The following NFIA variants were observed in gnomAD, a reference collection of about 807,000 sequenced individuals.
NFIA encodes nuclear factor I A, also known as nuclear factor 1 A-type.
In NFIA, 8 loss-of-function variants were observed where a neutral mutation model predicts 62.8. The ratio of observed to expected loss-of-function variants is 0.13; its 90% CI spans 0.07 to 0.23. NFIA has a LOEUF of 0.23. Ranked by LOEUF, NFIA falls within the 10% of genes least tolerant of loss-of-function variation. NFIA has a pLI of 1.00. For synonymous variants in NFIA, 235 were observed against 238.1 expected (o/e 0.99, Z 0.12); for missense variants, 410 against 642.1 (o/e 0.64, Z 3.91).
intron 6 of NFIA, among the ~76,000 whole-genome samples, chr1:61,362,803 T>C (rs138149192): frequency 2.0e-5 from 3 of 152,312 alleles, no homozygotes; most frequent in East Asian, 3.9e-4. Context: ...ATCTCAAAAC[T>C]GGGTTAGATA....
At chr1:61,260,373 T>G (rs566488427) in intron 2 of NFIA, among the ~76,000 whole-genome samples, 2 of 152,320 alleles carry the variant, frequency 1.3e-5, no homozygotes, top group South Asian at 4.1e-4. Flanking sequence ...GGCGAATGAA[T>G]TCATCAGCGG....
At chr1:61,250,714 A>T (rs1480456228) in intron 2 of NFIA, among the ~76,000 whole-genome samples, 1 of 152,226 alleles carries the variant, frequency 6.6e-6, no homozygotes, top group East Asian at 1.9e-4. Context: ...TGCTTTCATA[A>T]CATGACATTG....
At chr1:61,417,378 A>G (rs1666400356) in intron 9 of NFIA, among the ~76,000 whole-genome samples, 1 of 149,348 alleles carries the variant, frequency 6.7e-6, no homozygotes, top group Admixed American at 6.8e-5. Context: ...TACTCAAAAA[A>G]AAGTTAAGAA....
chr1:61,114,291 G>T (rs1210464765), intron 2 of NFIA, among the ~76,000 whole-genome samples: 1 of 152,016 alleles, frequency 6.6e-6, no homozygotes, highest in East Asian at 1.9e-4. Context: ...GAACATTCTA[G>T]CCTGGACAAC....
At chr1:61,285,682 G>A (rs1011210635) in intron 3 of NFIA, among the ~76,000 whole-genome samples, 19 of 152,268 alleles carry the variant, frequency 1.2e-4, no homozygotes, top group Middle Eastern at 6.8e-3. Context: ...AGGGTAGGGG[G>A]CACTATTTGC....
At chr1:61,108,241 T>G (rs555770721) in intron 2 of NFIA, among the ~76,000 whole-genome samples, 1 of 151,846 alleles carries the variant, frequency 6.6e-6, no homozygotes, top group African/African-American at 2.4e-5. Flanking sequence ...CATCTTTTTT[T>G]AACTATCAAA....
rs185965712 is a variant in NFIA at position 61,294,393 on chromosome 1, C to T, written c.625+16808C>T. ...AACTGAGAGCCTTGATGTTCGGTTC[C>T]TTGTCCAGCTTTCTTTCTCCTACAT... On this transcript the variant is annotated intron_variant, in intron 3 of 10. Transcript: ENST00000403491. Among the ~76,000 whole-genome samples the T allele has an allele frequency of 2.0e-4, 30 of 152,280 alleles. No individual in the cohort carries two copies. In the East Asian group the frequency reaches 4.3e-3, roughly 22 times the overall value.
In NFIA at chr1:61,226,411, CTACT is replaced by C. The variant is rs1278141950; in HGVS notation, c.560-51103_560-51100del. Among the ~76,000 whole-genome samples, 8 of 152,328 alleles carry C rather than the reference CTACT, an allele frequency of 5.3e-5. No homozygotes were observed. The East Asian group carries it at 1.5e-3, about 29-fold the overall frequency. On this transcript the variant is annotated intron_variant, in intron 2 of 10. Coordinates refer to ENST00000403491, the MANE Select transcript of NFIA (RefSeq NM_001134673.4). ...TGCTGTCCACATCCATTATCCTACT[CTACT>C]TACTTTGTATTTTTATGTATTTATT...
intron 2 of NFIA, among the ~76,000 whole-genome samples, chr1:61,215,969 TTTGC>T (rs1280257525): frequency 6.6e-6 from 1 of 152,210 alleles, no homozygotes; most frequent in African/African-American, 2.4e-5. Context: ...TGATGGCTTA[TTTGC>T]CATGAACTTG....
Position 61,332,501 on chromosome 1 carries a change from T to A in NFIA, c.626-11T>A. 6.2e-7 allele frequency: 1 copy of A among 1,613,426 alleles called. No homozygotes were observed. On this transcript the variant is annotated splice_polypyrimidine_tract_variant and intron_variant, in intron 3 of 10. Transcript: ENST00000403491. ...ATGACACTTTGTTTTCTTTTGTTTT[T>A]GTTTCCCCAGGACATTTGGGCTTCC... is the stretch of plus-strand genomic sequence containing the variant.
chr1:61,426,994 C>A (rs1365063484), intron 10 of NFIA, among the ~76,000 whole-genome samples: 1 of 152,108 alleles, frequency 6.6e-6, no homozygotes, highest in Non-Finnish European at 1.5e-5. Flanking sequence ...GGCAAGCTTT[C>A]TAAAAGAAAG....
Position 61,350,541 on chromosome 1 carries a change from C to T in NFIA, c.701-1909C>T, listed in dbSNP as rs116321241. Among the ~76,000 whole-genome samples, 1,332 of 152,228 alleles carry T rather than the reference C, an allele frequency of 8.8e-3. 20 individuals are homozygous for T. The highest frequency in any genetic ancestry group is 0.031 in the African/African-American group (1,290 of 41,522). On this transcript the variant is annotated intron_variant, in intron 4 of 10. Transcript: ENST00000403491. ...GTCCCAGCTATTCCGGAGGCTGAGG[C>T]GGGAAGATTGCTTGAGCGCAGGAGC...
intron 3 of NFIA, among the ~76,000 whole-genome samples, chr1:61,281,844 G>A (rs1658154879): frequency 6.6e-6 from 1 of 152,164 alleles, no homozygotes; most frequent in African/African-American, 2.4e-5. Context: ...ACAGCCCGTA[G>A]ATCTGTGCCT....
At chr1:61,429,653 G>A (rs1025178805) in intron 10 of NFIA, among the ~76,000 whole-genome samples, 2 of 152,236 alleles carry the variant, frequency 1.3e-5, no homozygotes, top group South Asian at 4.1e-4. Flanking sequence ...TAGCCAAAAG[G>A]TGGAAGCAAC....
chr1:61,390,957 T>C (rs1664942739), intron 7 of NFIA, among the ~76,000 whole-genome samples: 1 of 152,240 alleles, frequency 6.6e-6, no homozygotes, highest in Non-Finnish European at 1.5e-5. Context: ...TGTGTAGTAG[T>C]ATAATATTCA....
chr1:61,362,765 C>T (rs1663369025), intron 6 of NFIA, among the ~76,000 whole-genome samples: 1 of 152,192 alleles, frequency 6.6e-6, no homozygotes, highest in Non-Finnish European at 1.5e-5. Flanking sequence ...CTGCATTTGT[C>T]TCTCGTACTT....
intron 2 of NFIA, among the ~76,000 whole-genome samples, chr1:61,114,179 CT>C (rs1165491710): frequency 6.6e-6 from 1 of 152,122 alleles, no homozygotes; most frequent in African/African-American, 2.4e-5. Flanking sequence ...GTACTTGAAA[CT>C]TCAAAAATAA....
intron 2 of NFIA, among the ~76,000 whole-genome samples, chr1:61,093,909 G>A (rs1227571395): frequency 2.0e-5 from 3 of 152,150 alleles, no homozygotes; most frequent in African/African-American, 7.2e-5. Context: ...CCTTTGTTGT[G>A]GTCACTGCTG....
At chr1:61,100,037 G>A (rs943236620) in intron 2 of NFIA, among the ~76,000 whole-genome samples, 3 of 152,108 alleles carry the variant, frequency 2.0e-5, no homozygotes, top group Non-Finnish European at 4.4e-5. Flanking sequence ...TGGATGGAGT[G>A]AAAAATATTC....
Sources: allele counts gnomAD v4.1 joint callset (sites outside exome capture counted in the v4.1 genomes callset), GRCh38; gene constraint gnomAD v4.1.1; transcripts MANE v1.5; gene names NCBI Gene and HGNC (gene_info 2026-07-23, HGNC 2026-07-21).